The following COL5A1 variants were observed in gnomAD, a reference collection of about 807,000 sequenced individuals.
The protein encoded by COL5A1 is collagen alpha-1(V) chain.
In COL5A1, 16 loss-of-function variants were observed where a neutral mutation model predicts 263.7. The observed-to-expected ratio is 0.06, with a 90% CI of 0.04 to 0.09. The LOEUF (loss-of-function observed/expected upper bound fraction) is 0.09, where lower values mean the gene tolerates loss of function less well. Among genes scored for constraint, COL5A1 ranks in the 10% least tolerant of loss-of-function variants. The pLI, the probability that COL5A1 is intolerant of heterozygous loss-of-function variation, is 1.00. For missense variants in COL5A1, 2,036 were observed against 2,540.5 expected (o/e 0.80, Z 4.27); for synonymous variants, 1,012 against 1,004.5 (o/e 1.01, Z -0.14).
rs371863259 is a variant in COL5A1 at position 134,805,272 on chromosome 9, G to C, written c.3258+58G>C. Reference sequence around the variant, plus strand: ...TGAATCCTACTCTCCAGGTCAGAAGGGGCAGTCCCCGAGAGCCCAGAGCAT... The same window carrying C: ...TGAATCCTACTCTCCAGGTCAGAAGCGGCAGTCCCCGAGAGCCCAGAGCAT... On this transcript the variant is annotated intron_variant, in intron 41 of 65. Coordinates refer to ENST00000371817, the MANE Select transcript of COL5A1 (RefSeq NM_000093.5). The C allele has an allele frequency of 1.3e-5, 21 of 1,595,062 alleles. No homozygotes were observed. The African/African-American group carries it at 2.4e-4, about 18-fold the overall frequency.
chr9:134,721,240 C>G (rs1216477669), intron 4 of COL5A1, among the ~76,000 whole-genome samples: 4 of 150,814 alleles, frequency 2.7e-5, no homozygotes, highest in African/African-American at 9.8e-5. Context: ...CAACTGTCCC[C>G]ATCCAGGGCT....
At chr9:134,823,720 C>T (rs944351793) in intron 61 of COL5A1, among the ~76,000 whole-genome samples, 10 of 152,198 alleles carry the variant, frequency 6.6e-5, no homozygotes, top group African/African-American at 2.2e-4. Context: ...GCTGTGTGTG[C>T]ATGCATGGTA....
intron 38 of COL5A1, 36 bp downstream of exon 38, chr9:134,802,043 C>T (rs1838134653): frequency 4.4e-6 from 7 of 1,602,878 alleles, no homozygotes; most frequent in Non-Finnish European, 4.3e-6. Flanking sequence ...ATGGGTCACT[C>T]GGTGTCACTT....
In COL5A1 at chr9:134,818,621, C is replaced by T. The variant is rs763896082; in HGVS notation, c.4231-35C>T. 1 of 1,529,954 alleles carries T rather than the reference C, an allele frequency of 6.5e-7. No individual in the cohort carries two copies. Among genetic ancestry groups the T allele is most frequent in the South Asian group, 1.2e-5 (1 of 86,610 alleles). 94.8% of individuals were successfully genotyped at this position (1,529,954 alleles called of 1,614,324 possible). ...GGGCCAGGGTGCCTGGAGCCTAGAG[C>T]TCCGGACCTCATTCTGCCCTCCGCC... is the stretch of plus-strand genomic sequence containing the variant. On this transcript the variant is annotated intron_variant, in intron 54 of 65. Transcript: ENST00000371817. This position sits in a 1 kb window ranked among gnomAD's most constrained non-coding sequence, Gnocchi z 6.0.
chr9:134,826,668 TGTGTATGGGTGGTGGATGG>T (rs1242666924), intron 63 of COL5A1, among the ~76,000 whole-genome samples: 2,001 of 149,956 alleles, frequency 0.013, 44 homozygotes, highest in African/African-American at 0.046. Flanking sequence ...TGGATGGGTG[TGTGTATGGGTGGTGGATGG>T]GTGCGTGTGG....
Position 134,844,671 on chromosome 9 carries a change from A to G in COL5A1, c.*2368A>G, listed in dbSNP as rs556788884. ...TTTCGAGGACATCAGGCCTTTTGAA[A>G]TACAATGTCAAATGACACATTGTAC... is the stretch of plus-strand genomic sequence containing the variant. On this transcript the variant is annotated 3_prime_UTR_variant, in exon 66 of 66. Transcript: ENST00000371817. 6.6e-6 allele frequency: 1 copy of G among 152,272 alleles called. No homozygotes were observed. The highest frequency in any genetic ancestry group is 2.4e-5 in the African/African-American group (1 of 41,472). 9.4% of individuals were successfully genotyped at this position (152,272 alleles called of 1,614,324 possible).
At chr9:134,816,113 C>CGATTCCCTTATGATATT in intron 52 of COL5A1, 125 bp downstream of exon 52, 1 of 868,848 alleles carries the variant, frequency 1.2e-6, no homozygotes, top group Non-Finnish European at 1.9e-6. Flanking sequence ...TTTATGATAT[C>CGATTCCCTTATGATATT]GATTCCCTTA....
rs1838518099 is a variant in COL5A1, at chr9:134,811,401, C to T, written c.3582+9C>T. The T allele has an allele frequency of 3.1e-6, 5 of 1,613,988 alleles. No homozygotes were observed. The highest frequency in any genetic ancestry group is 4.2e-6 in the Non-Finnish European group (5 of 1,179,948). ...GACAGCCAGGCCCCTCTGTGAGTAT[C>T]CATGGTCAATGACCTTCGAAAAGCC... On this transcript the variant is annotated intron_variant, in intron 45 of 65. Transcript: ENST00000371817.
rs1223766822 is a variant in COL5A1 at position 134,802,934 on chromosome 9, G to C, written c.3053G>C (p.Gly1018Ala). ...CCAATGGGTGAGCGTGGCCACCCTG[G>C]GCCCCCTGGACCCCCCGGTGAACAG... ...TGPMGERGHP[G>A]PPGPPGEQGL... Residue 1018 changes from glycine to alanine, a missense_variant, in exon 39 of 66, where the codon GGG becomes GCG. Around this residue, in one of 3 missense-constraint regions of COL5A1, gnomAD observed 1,078 missense variants for 1,521.4 expected, o/e 0.71. Transcript: ENST00000371817. 1 of 1,611,880 alleles carries C rather than the reference G, an allele frequency of 6.2e-7. No homozygotes were observed. Among genetic ancestry groups the C allele is most frequent in the Non-Finnish European group, 8.5e-7 (1 of 1,179,548 alleles).
chr9:134,797,016 C>T (rs1043333844), intron 36 of COL5A1, 115 bp downstream of exon 36: 20 of 1,187,246 alleles, frequency 1.7e-5, no homozygotes, highest in Non-Finnish European at 2.3e-5. Flanking sequence ...TCACAGTGGC[C>T]GGTGGGTGGA....
chr9:134,672,207 T>C (rs1215484510), intron 1 of COL5A1, among the ~76,000 whole-genome samples: 1 of 152,270 alleles, frequency 6.6e-6, no homozygotes, highest in Non-Finnish European at 1.5e-5. Flanking sequence ...AATTGGCATT[T>C]ATTATTCCAT....
rs1357930020 is a variant in COL5A1, at chr9:134,843,347, C to CTTAT, written c.*1047_*1050dup. ...GGTGATAACTCAATGAAAATTGGTG[C>CTTAT]TTATTTTTTACACTTCTCTCTTGTG... On this transcript the variant is annotated 3_prime_UTR_variant, in exon 66 of 66. Transcript: ENST00000371817. 1 of 151,916 alleles carries CTTAT rather than the reference C, an allele frequency of 6.6e-6. No homozygotes were observed. 9.4% of individuals were successfully genotyped at this position (151,916 alleles called of 1,614,324 possible). A position where few individuals can be genotyped will look rare whatever the true frequency, so the allele number is the denominator to read the frequency against.
At chr9:134,797,846 G>A (rs1407604051) in intron 36 of COL5A1, among the ~76,000 whole-genome samples, 1 of 152,170 alleles carries the variant, frequency 6.6e-6, no homozygotes, top group East Asian at 1.9e-4. Context: ...ACCCATCTAG[G>A]TTGGCTTCAT....
At chr9:134,763,852 C>G in intron 20 of COL5A1, 115 bp downstream of exon 20, 9 of 1,068,560 alleles carry the variant, frequency 8.4e-6, no homozygotes, top group Non-Finnish European at 1.1e-5. Context: ...AGAGAGAGCT[C>G]GACCTGAGAA....
At chr9:134,747,299 G>A (rs1467155087) in intron 11 of COL5A1, among the ~76,000 whole-genome samples, 1 of 152,164 alleles carries the variant, frequency 6.6e-6, no homozygotes. Flanking sequence ...TCACCACCGT[G>A]GCTTAGAACA....
At chr9:134,780,258 C>A in intron 28 of COL5A1, 112 bp downstream of exon 28, 1 of 1,007,506 alleles carries the variant, frequency 9.9e-7, no homozygotes, top group Non-Finnish European at 1.6e-6. Flanking sequence ...GTGGATGTCG[C>A]CTCTGAGTAC....
At chr9:134,711,052 T>TG (rs944958933) in intron 4 of COL5A1, among the ~76,000 whole-genome samples, 1 of 148,910 alleles carries the variant, frequency 6.7e-6, no homozygotes, top group Non-Finnish European at 1.5e-5. Flanking sequence ...GGGGACCACT[T>TG]GGGGGGGCAG....
rs576692363 is a variant in COL5A1, at chr9:134,716,963, T to C, written c.655-10303T>C. Among the ~76,000 whole-genome samples, 2 of 152,214 alleles carry C rather than the reference T, an allele frequency of 1.3e-5. No homozygotes were observed. The highest frequency in any genetic ancestry group is 1.3e-4 in the Admixed American group (2 of 15,298). On this transcript the variant is annotated intron_variant, in intron 4 of 65. Coordinates refer to ENST00000371817, the MANE Select transcript of COL5A1 (RefSeq NM_000093.5). The surrounding 1 kb of genome is among the most constrained non-coding windows in gnomAD (Gnocchi z 4.5). Reference sequence around the variant, plus strand: ...ACATGAAAATATTTCTCTGACACTCTCGTTAATAGTGTGAAACTCGTTCTC... The same window carrying C: ...ACATGAAAATATTTCTCTGACACTCCCGTTAATAGTGTGAAACTCGTTCTC...
At chr9:134,827,271 G>T (rs945833812) in intron 63 of COL5A1, among the ~76,000 whole-genome samples, 2 of 152,212 alleles carry the variant, frequency 1.3e-5, no homozygotes, top group Non-Finnish European at 2.9e-5. Context: ...ACCGTGCTGA[G>T]CTCAGTAGCC....
Sources: gnomAD v4.1 joint callset for allele counts (sites outside exome capture counted in the v4.1 genomes callset) on GRCh38, gnomAD v4.1.1 for gene constraint, gnomAD v4.1.1 regional missense constraint, Gnocchi (gnomAD v3.1) non-coding constraint, MANE v1.5 for transcripts, NCBI Gene and HGNC (gene_info 2026-07-23, HGNC 2026-07-21) for gene names.